The following ANXA8 variants were observed in gnomAD, a reference collection of about 807,000 sequenced individuals.
ANXA8 encodes the protein VAC-beta.
Under a neutral mutation model 26.8 loss-of-function variants are expected in ANXA8, and 9 were observed. That is an observed-to-expected ratio of 0.34 (90% CI 0.20 to 0.59). The LOEUF (loss-of-function observed/expected upper bound fraction) is 0.59, where lower values mean the gene tolerates loss of function less well. ANXA8 is among the 20% of genes least tolerant of loss of function. ANXA8 has a pLI of 0.84. For missense variants in ANXA8, 83 were observed against 238.5 expected, an observed-to-expected ratio of 0.35 and a Z score of 4.29; for synonymous variants, 39 against 94.8, an observed-to-expected ratio of 0.41 and a Z score of 3.42.
At chr10:47,951,678 G>A in the ANXA8 span, among the ~76,000 whole-genome samples, 1 of 150,064 alleles carries the variant, frequency 6.7e-6, no homozygotes, top group African/African-American at 2.5e-5. Flanking sequence ...GGGTGTGGTG[G>A]TGTACGCATG....
the ANXA8 span, among the ~76,000 whole-genome samples, chr10:47,554,056 G>A: frequency 6.7e-6 from 1 of 149,292 alleles, no homozygotes; most frequent in African/African-American, 2.5e-5. Flanking sequence ...AGGATTGCTT[G>A]AGCCCAGGAG....
chr10:47,619,562 C>T, the ANXA8 span, among the ~76,000 whole-genome samples: 4 of 120,082 alleles, frequency 3.3e-5, no homozygotes, highest in East Asian at 2.0e-4. Context: ...AAATTGTGGC[C>T]GCAGAATTCT....
At chr10:47,769,798 C>A in the ANXA8 span, among the ~76,000 whole-genome samples, 1 of 152,298 alleles carries the variant, frequency 6.6e-6, no homozygotes, top group Admixed American at 6.5e-5. Context: ...TGTACTCCCA[C>A]AGCCTTGCAA....
At chr10:47,492,187 C>G in the ANXA8 span, among the ~76,000 whole-genome samples, 152 of 151,282 alleles carry the variant, frequency 1.0e-3, no homozygotes, top group Middle Eastern at 3.4e-3. Context: ...ACTGCCCTCC[C>G]CATTCCTGGA....
chr10:47,553,873 G>GAAA, the ANXA8 span, among the ~76,000 whole-genome samples: 1 of 149,272 alleles, frequency 6.7e-6, no homozygotes, highest in African/African-American at 2.5e-5. Flanking sequence ...GGCCGCCCCG[G>GAAA]AGTCACCGTG....
chr10:47,679,285 A>G, the ANXA8 span, among the ~76,000 whole-genome samples: 2 of 152,204 alleles, frequency 1.3e-5, no homozygotes, highest in African/African-American at 2.4e-5. Flanking sequence ...AGTGAACTCT[A>G]AATAGAATAA....
the ANXA8 span, among the ~76,000 whole-genome samples, chr10:47,663,631 G>C: frequency 1.5e-5 from 2 of 132,092 alleles, no homozygotes; most frequent in African/African-American, 3.3e-5. Flanking sequence ...TGATCCTCCT[G>C]CCTCGGCCTC....
At chr10:47,544,103 A>C in the ANXA8 span, among the ~76,000 whole-genome samples, 1 of 151,906 alleles carries the variant, frequency 6.6e-6, no homozygotes, top group Non-Finnish European at 1.5e-5. Context: ...GCACCCGGGC[A>C]CGAAGGCAGC....
chr10:47,953,058 A>G, the ANXA8 span, among the ~76,000 whole-genome samples: 1 of 150,416 alleles, frequency 6.6e-6, no homozygotes, highest in African/African-American at 2.5e-5. Context: ...TTGGGCAGGC[A>G]AAGATTTCTC....
At chr10:47,655,388 G>C in the ANXA8 span, among the ~76,000 whole-genome samples, 2 of 151,588 alleles carry the variant, frequency 1.3e-5, no homozygotes, top group South Asian at 4.1e-4. Context: ...GGGCTCAGCA[G>C]CCTGGGTGAG....
the ANXA8 span, among the ~76,000 whole-genome samples, chr10:47,525,759 A>T: frequency 7.8e-6 from 1 of 129,032 alleles, no homozygotes; most frequent in Non-Finnish European, 1.6e-5. Context: ...TTGATAAATG[A>T]TTCTGGCTAT....
At chr10:47,977,810 CA>C in the ANXA8 span, among the ~76,000 whole-genome samples, 1 of 151,278 alleles carries the variant, frequency 6.6e-6, no homozygotes, top group Admixed American at 6.6e-5. Flanking sequence ...GAAAAATGAA[CA>C]GAGCCTCAGA....
the ANXA8 span, among the ~76,000 whole-genome samples, chr10:47,548,772 T>G: frequency 4.3e-3 from 650 of 151,904 alleles, no homozygotes; most frequent in African/African-American, 0.015. Flanking sequence ...ACTTTAGCAT[T>G]ATCATTAAGG....
chr10:47,660,676 C>T, the ANXA8 span, among the ~76,000 whole-genome samples: 1 of 151,856 alleles, frequency 6.6e-6, no homozygotes, highest in Non-Finnish European at 1.5e-5. Context: ...TCTGGGATTA[C>T]AGGCGTGAGC....
the ANXA8 span, among the ~76,000 whole-genome samples, chr10:47,669,439 C>T: frequency 7.3e-5 from 11 of 151,200 alleles, no homozygotes; most frequent in East Asian, 2.1e-3. Flanking sequence ...CTGATGAGGG[C>T]CAGGCGTGGT....
the ANXA8 span, among the ~76,000 whole-genome samples, chr10:47,626,763 C>T: frequency 6.7e-6 from 1 of 150,238 alleles, no homozygotes; most frequent in Non-Finnish European, 1.5e-5. Context: ...TATCTATTGT[C>T]TATGTTCATC....
At chr10:47,978,741 CAAAAGAAGACAGTAATGAGGG>C in the ANXA8 span, among the ~76,000 whole-genome samples, 1 of 84,972 alleles carries the variant, frequency 1.2e-5, no homozygotes, top group African/African-American at 3.7e-5. Context: ...CAATTGAATT[CAAAAGAAGACAGTAATGAGGG>C]AAAAGAAAAA....
the ANXA8 span, among the ~76,000 whole-genome samples, chr10:47,553,921 C>A: frequency 3.4e-5 from 5 of 149,150 alleles, no homozygotes; most frequent in Non-Finnish European, 7.4e-5. Context: ...TGGGAGTCCA[C>A]TTCCTCCTCT....
chr10:47,968,493 T>TCCA, the ANXA8 span, among the ~76,000 whole-genome samples: 89 of 140,388 alleles, frequency 6.3e-4, 2 homozygotes, highest in Non-Finnish European at 1.2e-3. Context: ...TGCCACCATA[T>TCCA]CCACCACCAC....
Sources: allele counts gnomAD v4.1 joint callset (sites outside exome capture counted in the v4.1 genomes callset), GRCh38; gene constraint gnomAD v4.1.1; transcripts MANE v1.5; gene names NCBI Gene and HGNC (gene_info 2026-07-23, HGNC 2026-07-21).